Variants in CHST11 observed in about 807,000 individuals in gnomAD.
CHST11 encodes carbohydrate sulfotransferase 11, also known as C4S-1.
In CHST11, 9 loss-of-function variants were observed where a neutral mutation model predicts 30.4. That is an observed-to-expected ratio of 0.30 (90% CI 0.18 to 0.52). CHST11 has a LOEUF of 0.52. CHST11 is among the 20% of genes least tolerant of loss of function. The pLI is 0.97. For synonymous variants in CHST11, 152 were observed against 187.8 expected (o/e 0.81, Z 1.56); for missense variants, 348 against 460.6 (o/e 0.76, Z 2.24).
intron 1 of CHST11, among the ~76,000 whole-genome samples, chr12:104,488,573 ATG>A (rs749089153): frequency 3.9e-4 from 42 of 106,850 alleles, no homozygotes; most frequent in African/African-American, 7.0e-4. Flanking sequence ...ATGCGTGTGT[ATG>A]TGTGTGTATG....
intron 2 of CHST11, among the ~76,000 whole-genome samples, chr12:104,723,945 G>A (rs555960776): frequency 1.3e-5 from 2 of 152,284 alleles, no homozygotes; most frequent in South Asian, 4.1e-4. Flanking sequence ...CAGACATGGT[G>A]GTAAGTGTAT....
intron 1 of CHST11, among the ~76,000 whole-genome samples, chr12:104,506,491 C>G (rs962095596): frequency 2.0e-5 from 3 of 152,154 alleles, no homozygotes; most frequent in African/African-American, 7.2e-5. Flanking sequence ...AGGCTGTTTT[C>G]AAATGTTGGA....
intron 1 of CHST11, among the ~76,000 whole-genome samples, chr12:104,540,590 C>T (rs2038276874): frequency 6.6e-6 from 1 of 152,226 alleles, no homozygotes; most frequent in Non-Finnish European, 1.5e-5. Context: ...CTCTCCTGTA[C>T]TCCTCCACCC....
At chr12:104,718,450 A>G (rs1207807863) in intron 2 of CHST11, among the ~76,000 whole-genome samples, 6 of 152,192 alleles carry the variant, frequency 3.9e-5, no homozygotes, top group African/African-American at 1.4e-4. Flanking sequence ...TGAGGCTGAC[A>G]AGGATTGTGT....
intron 2 of CHST11, among the ~76,000 whole-genome samples, chr12:104,728,626 T>G (rs1230681889): frequency 6.6e-6 from 1 of 152,218 alleles, no homozygotes; most frequent in East Asian, 1.9e-4. Context: ...GATGTGCTCT[T>G]GTCCCACTGG....
At chr12:104,569,874 A>G (rs924726979) in intron 1 of CHST11, among the ~76,000 whole-genome samples, 5 of 152,154 alleles carry the variant, frequency 3.3e-5, no homozygotes, top group Non-Finnish European at 7.3e-5. Flanking sequence ...CTGCTTCATA[A>G]TCTTACTTTA....
chr12:104,577,241 T>C (rs1450650412), intron 1 of CHST11, among the ~76,000 whole-genome samples: 1 of 147,666 alleles, frequency 6.8e-6, no homozygotes, highest in Non-Finnish European at 1.5e-5. Flanking sequence ...TTCATTTTTT[T>C]TTTTTTTTTT....
chr12:104,594,559 C>T (rs942019549), intron 1 of CHST11, among the ~76,000 whole-genome samples: 1 of 152,172 alleles, frequency 6.6e-6, no homozygotes, highest in Non-Finnish European at 1.5e-5. Flanking sequence ...CCCCCATCCC[C>T]GCTTTTATTT....
At chr12:104,605,968 T>C (rs2039000702) in intron 2 of CHST11, among the ~76,000 whole-genome samples, 1 of 152,086 alleles carries the variant, frequency 6.6e-6, no homozygotes, top group South Asian at 2.1e-4. Context: ...CCCTGCTTGG[T>C]TCTTTCTTTA....
chr12:104,499,865 T>C (rs1388998695), intron 1 of CHST11, among the ~76,000 whole-genome samples: 1 of 152,134 alleles, frequency 6.6e-6, no homozygotes, highest in South Asian at 2.1e-4. Flanking sequence ...TCTGGGGACA[T>C]TTTCTGAGCC....
intron 2 of CHST11, among the ~76,000 whole-genome samples, chr12:104,695,619 G>A (rs1277312378): frequency 6.6e-6 from 1 of 152,204 alleles, no homozygotes; most frequent in Non-Finnish European, 1.5e-5. Flanking sequence ...CTCAGAGCTA[G>A]TGATAAGAAT....
chr12:104,515,325 C>T (rs142410472), intron 1 of CHST11, among the ~76,000 whole-genome samples: 143 of 152,314 alleles, frequency 9.4e-4, no homozygotes, highest in African/African-American at 3.0e-3. Context: ...GCTGAAGGCA[C>T]TTATCTGGCC....
At chr12:104,661,015 T>C (rs1181721289) in intron 2 of CHST11, among the ~76,000 whole-genome samples, 1 of 152,174 alleles carries the variant, frequency 6.6e-6, no homozygotes, top group Non-Finnish European at 1.5e-5. Context: ...CGATCCACTC[T>C]GTCCACTTCC....
chr12:104,488,056 G>A (rs1289303796), intron 1 of CHST11, among the ~76,000 whole-genome samples: 3 of 151,954 alleles, frequency 2.0e-5, no homozygotes, highest in African/African-American at 7.3e-5. Flanking sequence ...CTACTGGTGC[G>A]TGCCACCACG....
chr12:104,716,577 G>T (rs552089468), intron 2 of CHST11, among the ~76,000 whole-genome samples: 32 of 152,358 alleles, frequency 2.1e-4, no homozygotes, highest in African/African-American at 7.5e-4. Context: ...TGCCATGAGG[G>T]CAGGGGATGG....
At chr12:104,711,886 C>T (rs1235654222) in intron 2 of CHST11, among the ~76,000 whole-genome samples, 24 of 152,062 alleles carry the variant, frequency 1.6e-4, no homozygotes, top group Admixed American at 1.4e-3. Flanking sequence ...AAGAAGCTTC[C>T]GGGAGGCTTC....
chr12:104,717,882 A>C (rs2040143694), intron 2 of CHST11, among the ~76,000 whole-genome samples: 2 of 151,618 alleles, frequency 1.3e-5, no homozygotes, highest in African/African-American at 4.8e-5. Context: ...CCCAGGAGGC[A>C]TAGGTTGCAG....
At chr12:104,677,985 T>G (rs1360672747) in intron 2 of CHST11, among the ~76,000 whole-genome samples, 2 of 152,220 alleles carry the variant, frequency 1.3e-5, no homozygotes, top group Admixed American at 6.5e-5. Flanking sequence ...TGCCTTCTCA[T>G]CAAGTCTCAG....
intron 2 of CHST11, among the ~76,000 whole-genome samples, chr12:104,727,542 T>C (rs142294468): frequency 6.6e-6 from 1 of 152,152 alleles, no homozygotes; most frequent in African/African-American, 2.4e-5. Flanking sequence ...GTTTTGGGTA[T>C]TGGTAGAGTG....
Sources: gnomAD v4.1 joint callset for allele counts (sites outside exome capture counted in the v4.1 genomes callset) on GRCh38, gnomAD v4.1.1 for gene constraint, MANE v1.5 for transcripts, NCBI Gene and HGNC (gene_info 2026-07-23, HGNC 2026-07-21) for gene names.